YAF2: variants seen among roughly 807,000 people sequenced by gnomAD.
The protein encoded by YAF2 is YY1 associated factor 2.
YAF2 carries 7 observed loss-of-function variants against 20.1 expected under a neutral mutation model. The ratio of observed to expected loss-of-function variants is 0.35; its 90% confidence interval spans 0.20 to 0.65. The LOEUF is 0.65. Among genes scored for constraint, YAF2 ranks in the 30% least tolerant of loss-of-function variants. The pLI is 0.69. For missense variants in YAF2, 151 were observed against 219.2 expected, an observed-to-expected ratio of 0.69 and a Z score of 1.96; for synonymous variants, 74 against 76.0, an observed-to-expected ratio of 0.97 and a Z score of 0.14.
intron 2 of YAF2, among the ~76,000 whole-genome samples, chr12:42,198,214 A>G (rs544861224): frequency 6.6e-6 from 1 of 152,178 alleles, no homozygotes; most frequent in Non-Finnish European, 1.5e-5. Flanking sequence ...GGAGATGATG[A>G]TAATTATAAT....
At chr12:42,229,462 G>A (rs959307498) in intron 2 of YAF2, among the ~76,000 whole-genome samples, 1 of 151,196 alleles carries the variant, frequency 6.6e-6, no homozygotes, top group Non-Finnish European at 1.5e-5. Context: ...AATACTTCAG[G>A]TATTTTATTA....
chr12:42,185,429 G>A lies in YAF2; in HGVS notation c.153-23664C>T, dbSNP rs565869084. On this transcript the variant is annotated intron_variant, in intron 2 of 3. Transcript: ENST00000534854. ...TTGATAAAGAAGCAACAGGGCTTGA[G>A]AGGACTGGCTTAAATTTTGAAAGAA... Among the ~76,000 whole-genome samples, 10 of 152,342 alleles carry A rather than the reference G, an allele frequency of 6.6e-5. No individual in the cohort carries two copies. The East Asian group carries it at 1.9e-3, about 29-fold the overall frequency.
At chr12:42,188,265 A>G (rs1257183128) in intron 2 of YAF2, among the ~76,000 whole-genome samples, 1 of 152,182 alleles carries the variant, frequency 6.6e-6, no homozygotes, top group African/African-American at 2.4e-5. Context: ...AATGAATAGA[A>G]TAAATCAATG....
intron 2 of YAF2, chr12:42,235,800 G>T (rs1187545935): frequency 1.3e-6 from 2 of 1,535,380 alleles, no homozygotes; most frequent in East Asian, 2.4e-5. Context: ...TGGGCCTCAA[G>T]CCTCTTTTAA....
chr12:42,207,839 C>T (rs1038251036), intron 2 of YAF2, among the ~76,000 whole-genome samples: 3 of 150,838 alleles, frequency 2.0e-5, no homozygotes, highest in African/African-American at 7.3e-5. Flanking sequence ...TGCAGTGAGC[C>T]GAGATCGTGC....
chr12:42,167,857 G>C (rs561258398), intron 2 of YAF2, among the ~76,000 whole-genome samples: 8 of 152,246 alleles, frequency 5.3e-5, no homozygotes, highest in Middle Eastern at 6.8e-3. Flanking sequence ...TTACTCAGGA[G>C]TGGTGACGCA....
chr12:42,191,880 G>A (rs2066621124), intron 2 of YAF2, among the ~76,000 whole-genome samples: 1 of 151,830 alleles, frequency 6.6e-6, no homozygotes, highest in Admixed American at 6.6e-5. Context: ...TTGAGGTCAG[G>A]AGTGTTCAAG....
chr12:42,187,528 G>A (rs1333092422), intron 2 of YAF2, among the ~76,000 whole-genome samples: 1 of 151,812 alleles, frequency 6.6e-6, no homozygotes, highest in East Asian at 1.9e-4. Flanking sequence ...TGTGTTCCAA[G>A]AATACTAAAG....
In YAF2 at chr12:42,213,697, A is replaced by G. The variant is rs1447903615; in HGVS notation, c.152+23902T>C. 2.0e-5 allele frequency among the ~76,000 whole-genome samples: 3 copies of G among 152,240 alleles called. No homozygotes were observed. The East Asian group carries it at 5.8e-4, about 29-fold the overall frequency. Reference sequence around the variant, plus strand: ...TTCATGCAAATCATTCTGCTTTAACATAATTTCATTATCATTTTAAAAGTA... The same window carrying G: ...TTCATGCAAATCATTCTGCTTTAACGTAATTTCATTATCATTTTAAAAGTA... On this transcript the variant is annotated intron_variant, in intron 2 of 3. Transcript: ENST00000534854.
At chr12:42,210,457 G>A in intron 2 of YAF2, 1 of 1,535,212 alleles carries the variant, frequency 6.5e-7, no homozygotes, top group East Asian at 2.4e-5. Flanking sequence ...CACTGGAACT[G>A]AGGGGGCATG....
intron 2 of YAF2, among the ~76,000 whole-genome samples, chr12:42,175,534 CA>C (rs71084621): frequency 1 from 143,305 of 143,782 alleles, 71,415 homozygotes; most frequent in East Asian, 1. Flanking sequence ...AATTATACCT[CA>C]AAAAAAAAAA....
intron 2 of YAF2, among the ~76,000 whole-genome samples, chr12:42,212,766 C>T (rs1428959804): frequency 1.3e-5 from 2 of 152,140 alleles, no homozygotes; most frequent in African/African-American, 2.4e-5. Flanking sequence ...TACAAATTGC[C>T]TTGGGTAAAT....
chr12:42,215,727 G>C (rs1419701391), intron 2 of YAF2, among the ~76,000 whole-genome samples: 1 of 152,018 alleles, frequency 6.6e-6, no homozygotes, highest in Non-Finnish European at 1.5e-5. Flanking sequence ...GTTCAAGACA[G>C]CCTGGCCAAC....
intron 2 of YAF2, chr12:42,232,916 T>G (rs1024315637): frequency 1.8e-5 from 18 of 985,394 alleles, no homozygotes; most frequent in Non-Finnish European, 2.2e-5. Flanking sequence ...CTCTTCAGCC[T>G]ACACATAAAG....
At chr12:42,230,584 T>C (rs899905334) in intron 2 of YAF2, among the ~76,000 whole-genome samples, 2 of 152,172 alleles carry the variant, frequency 1.3e-5, no homozygotes, top group Admixed American at 6.5e-5. Flanking sequence ...TGTCCAATAG[T>C]TCATGACAGA....
At chr12:42,163,870 GC>G (rs766266945) in intron 2 of YAF2, among the ~76,000 whole-genome samples, 10 of 152,084 alleles carry the variant, frequency 6.6e-5, no homozygotes, top group Non-Finnish European at 1.2e-4. Context: ...TAAAAATAAA[GC>G]CCTTCTATCT....
intron 2 of YAF2, among the ~76,000 whole-genome samples, chr12:42,162,235 T>C (rs1278396704): frequency 6.6e-6 from 1 of 152,178 alleles, no homozygotes; most frequent in African/African-American, 2.4e-5. Flanking sequence ...ATTATCAAAA[T>C]TTCTCACTCC....
rs150121308 is a variant in YAF2 at position 42,183,837 on chromosome 12, A to C, written c.153-22072T>G. ...TGCCATCTAGGACTTTCAGAGCTAG[A>C]GACGAAAAGTCAATGCCTTGATTCA... is the stretch of plus-strand genomic sequence containing the variant. On this transcript the variant is annotated intron_variant, in intron 2 of 3. Coordinates refer to ENST00000534854, the MANE Select transcript of YAF2 (RefSeq NM_005748.6). 1.6e-4 allele frequency among the ~76,000 whole-genome samples: 25 copies of C among 152,388 alleles called. 1 individual carries two copies. In the East Asian group the frequency reaches 4.8e-3, roughly 29 times the overall value.
chr12:42,165,634 T>G (rs1592148901), intron 2 of YAF2, among the ~76,000 whole-genome samples: 1 of 151,532 alleles, frequency 6.6e-6, no homozygotes, highest in Admixed American at 6.6e-5. Context: ...CGGCTAATTT[T>G]TTTTTATTTT....
Sources: gnomAD v4.1 joint callset for allele counts (sites outside exome capture counted in the v4.1 genomes callset) on GRCh38, gnomAD v4.1.1 for gene constraint, MANE v1.5 for transcripts, NCBI Gene and HGNC (gene_info 2026-07-23, HGNC 2026-07-21) for gene names.